The following PRSS55 variants were observed in gnomAD, a reference collection of about 807,000 sequenced individuals.
PRSS55 encodes serine protease 55.
A neutral mutation model predicts 23.6 loss-of-function variants in PRSS55; 41 were observed. The ratio of observed to expected loss-of-function variants is 1.74; its 90% CI spans 1.35 to 2.26. The LOEUF (loss-of-function observed/expected upper bound fraction) is 2.26. Among genes scored for constraint, PRSS55 ranks in the 30% most tolerant of loss-of-function variants. The probability of loss-of-function intolerance (pLI) is 0.00; values close to 1 mark genes in which losing one functional copy is unlikely to be tolerated. For missense variants in PRSS55, 669 were observed against 439.1 expected, an observed-to-expected ratio of 1.52 and a Z score of -4.68; for synonymous variants, 262 against 175.5, an observed-to-expected ratio of 1.49 and a Z score of -3.90.
At chr8:10,548,445 C>T (rs1244982688) in intron 4 of PRSS55, among the ~76,000 whole-genome samples, 1 of 152,054 alleles carries the variant, frequency 6.6e-6, no homozygotes, top group Non-Finnish European at 1.5e-5. Context: ...CCTGCTGGGC[C>T]CTCACGGGTG....
intron 4 of PRSS55, among the ~76,000 whole-genome samples, chr8:10,544,483 T>A (rs1812762849): frequency 6.6e-6 from 1 of 152,246 alleles, no homozygotes; most frequent in Non-Finnish European, 1.5e-5. Flanking sequence ...TGTCTTTTAA[T>A]TGCATTTTTA....
At chr8:10,553,938 T>G in intron 4 of PRSS55, 1 of 1,489,834 alleles carries the variant, frequency 6.7e-7, no homozygotes, top group Non-Finnish European at 8.9e-7. Context: ...ATTTTTTTTT[T>G]AAAGCAAAGC....
At chr8:10,536,717 A>G (rs751218400) in intron 4 of PRSS55, among the ~76,000 whole-genome samples, 8 of 152,230 alleles carry the variant, frequency 5.3e-5, no homozygotes, top group Non-Finnish European at 1.0e-4. Context: ...CTTTGCAGCA[A>G]CTTGGATGCA....
At chr8:10,526,121 G>T (rs757823360) in intron 1 of PRSS55, among the ~76,000 whole-genome samples, 4 of 152,136 alleles carry the variant, frequency 2.6e-5, no homozygotes, top group African/African-American at 9.7e-5. Context: ...AAGTGCAAGG[G>T]TGCTTCTGTC....
intron 4 of PRSS55, among the ~76,000 whole-genome samples, chr8:10,550,450 G>A (rs1255350781): frequency 6.6e-6 from 1 of 152,178 alleles, no homozygotes; most frequent in East Asian, 1.9e-4. Context: ...TCATCTGGTG[G>A]CAGTTGGCTG....
intron 4 of PRSS55, among the ~76,000 whole-genome samples, chr8:10,548,630 C>T (rs1812878054): frequency 6.6e-6 from 1 of 152,110 alleles, no homozygotes; most frequent in Admixed American, 6.5e-5. Context: ...GGCCATTCCC[C>T]CTGCCTGCAA....
intron 4 of PRSS55, among the ~76,000 whole-genome samples, chr8:10,552,404 A>T (rs1272393304): frequency 6.6e-6 from 1 of 152,254 alleles, no homozygotes; most frequent in African/African-American, 2.4e-5. Flanking sequence ...CAGACAGCAA[A>T]AGCAAAAAAT....
chr8:10,551,569 G>C (rs930218427), intron 4 of PRSS55, among the ~76,000 whole-genome samples: 1 of 152,214 alleles, frequency 6.6e-6, no homozygotes, highest in South Asian at 2.1e-4. Flanking sequence ...TGCATGTCCT[G>C]CAAGGTCATC....
intron 4 of PRSS55, 148 bp downstream of exon 4, chr8:10,533,196 G>A: frequency 1.2e-6 from 1 of 853,974 alleles, no homozygotes; most frequent in Non-Finnish European, 1.8e-6. Flanking sequence ...GAATGAGTAT[G>A]TGGATTTCAG....
intron 1 of PRSS55, among the ~76,000 whole-genome samples, chr8:10,528,807 C>A (rs1028160114): frequency 6.6e-6 from 1 of 152,238 alleles, no homozygotes; most frequent in Non-Finnish European, 1.5e-5. Context: ...AGCAGGTCTG[C>A]GTTCCTACTG....
At chr8:10,548,191 G>C (rs542025005) in intron 4 of PRSS55, among the ~76,000 whole-genome samples, 67 of 152,272 alleles carry the variant, frequency 4.4e-4, no homozygotes, top group Middle Eastern at 3.4e-3. Context: ...CTCAGGCAGC[G>C]AGCGCTCAGG....
chr8:10,539,048 T>C (rs13280959), downstream of PRSS55, among the ~76,000 whole-genome samples: 20,297 of 147,498 alleles, frequency 0.14, 1,717 homozygotes, highest in Middle Eastern at 0.24. Flanking sequence ...TGGATACATA[T>C]AACAGAAAAA....
chr8:10,544,292 A>C (rs1367204538), intron 4 of PRSS55, among the ~76,000 whole-genome samples: 2 of 152,162 alleles, frequency 1.3e-5, no homozygotes, highest in Non-Finnish European at 2.9e-5. Context: ...ATCTCTAATG[A>C]ATTTTTTGTT....
At chr8:10,542,750 G>A (rs904891708), downstream of PRSS55, among the ~76,000 whole-genome samples, 3 of 151,812 alleles carry the variant, frequency 2.0e-5, no homozygotes, top group Non-Finnish European at 4.4e-5. Context: ...GCGGGTGCCT[G>A]TAATCCCAGC....
At chr8:10,550,324 T>C (rs955764419) in intron 4 of PRSS55, among the ~76,000 whole-genome samples, 2 of 152,122 alleles carry the variant, frequency 1.3e-5, no homozygotes, top group Admixed American at 1.3e-4. Context: ...GCTCCTGAAA[T>C]GCAAGGCTGG....
downstream of PRSS55, among the ~76,000 whole-genome samples, chr8:10,543,335 A>T (rs1049921259): frequency 2.6e-5 from 4 of 152,192 alleles, no homozygotes; most frequent in Admixed American, 1.3e-4. Flanking sequence ...GCATGAAGAC[A>T]TCACATCCTG....
rs1812260645 is a variant in PRSS55, at chr8:10,531,460, G to A, written c.513G>A (p.Leu171=). 2.5e-6 allele frequency: 4 copies of A among 1,614,024 alleles called. No individual in the cohort carries two copies. In the African/African-American group the frequency reaches 4.0e-5, roughly 16 times the overall value. Residue 171 remains leucine, a synonymous_variant, in exon 3 of 5, where the codon CTG becomes CTA. Transcript: ENST00000328655. ...LLASPIKLDD[L]KVPICLPTQP... ...CTTCGCCCATCAAGCTCGATGACCT[G>A]AAGGTGCCCATCTGCCTCCCCACGC...
At chr8:10,552,796 G>A (rs893549950) in intron 4 of PRSS55, among the ~76,000 whole-genome samples, 3 of 152,174 alleles carry the variant, frequency 2.0e-5, no homozygotes, top group Non-Finnish European at 4.4e-5. Context: ...GTGGAGAAAG[G>A]GGAATGTTTG....
chr8:10,532,059 CA>C (rs1389668496), intron 3 of PRSS55, among the ~76,000 whole-genome samples: 1 of 151,944 alleles, frequency 6.6e-6, no homozygotes, highest in Non-Finnish European at 1.5e-5. Flanking sequence ...GACTGTCCCC[CA>C]AAAAAACCCA....
Sources: gnomAD v4.1 joint callset for allele counts (sites outside exome capture counted in the v4.1 genomes callset) on GRCh38, gnomAD v4.1.1 for gene constraint, MANE v1.5 for transcripts, NCBI Gene and HGNC (gene_info 2026-07-23, HGNC 2026-07-21) for gene names.